Variants in LDLRAD3 observed in about 807,000 individuals in gnomAD.
The protein encoded by LDLRAD3 is low-density lipoprotein receptor class A domain-containing protein 3.
LDLRAD3 carries 20 observed loss-of-function variants against 29.4 expected under a neutral mutation model. The ratio of observed to expected loss-of-function variants is 0.68; its 90% CI spans 0.48 to 0.99. The LOEUF (loss-of-function observed/expected upper bound fraction) is 0.99, where lower values mean the gene tolerates loss of function less well. Ranked by LOEUF, LDLRAD3 falls within the 50% of genes least tolerant of loss-of-function variation. The pLI is 0.00. For missense variants in LDLRAD3, 420 were observed against 454.3 expected (o/e 0.92, Z 0.69); for synonymous variants, 157 against 192.7 (o/e 0.81, Z 1.53).
chr11:35,977,575 G>A (rs1422330019), intron 1 of LDLRAD3, among the ~76,000 whole-genome samples: 1 of 152,084 alleles, frequency 6.6e-6, no homozygotes, highest in African/African-American at 2.4e-5. Context: ...AGGAATAAGA[G>A]GTATCCTGGG....
chr11:36,003,225 C>T (rs1320199104), intron 1 of LDLRAD3, among the ~76,000 whole-genome samples: 2 of 152,194 alleles, frequency 1.3e-5, no homozygotes, highest in African/African-American at 4.8e-5. Context: ...CTGGCTGGTG[C>T]AGGAAGTATC....
Position 36,076,914 on chromosome 11 carries a change from T to C in LDLRAD3, c.194-4739T>C, listed in dbSNP as rs76271282. ...TTTCCTGAGTTACTTAGGCTGGTTC[T>C]TTTCTTCCCCATCCCCTTCAGTGTG... is the stretch of plus-strand genomic sequence containing the variant. On this transcript the variant is annotated intron_variant, in intron 2 of 5. Coordinates refer to ENST00000315571, the MANE Select transcript of LDLRAD3 (RefSeq NM_174902.4). Among the ~76,000 whole-genome samples, 1,205 of 152,252 alleles carry C rather than the reference T, an allele frequency of 7.9e-3. 15 individuals are homozygous for C. Among genetic ancestry groups the C allele is most frequent in the African/African-American group, 0.028 (1,163 of 41,542 alleles).
intron 3 of LDLRAD3, among the ~76,000 whole-genome samples, chr11:36,084,838 T>C (rs549783958): frequency 6.6e-6 from 1 of 152,246 alleles, no homozygotes; most frequent in Non-Finnish European, 1.5e-5. Flanking sequence ...GTGGATTCAC[T>C]TCAAGTAGAA....
intron 4 of LDLRAD3, among the ~76,000 whole-genome samples, chr11:36,217,267 A>T (rs905852070): frequency 3.9e-5 from 6 of 152,172 alleles, no homozygotes; most frequent in African/African-American, 1.2e-4. Context: ...CAATATCAAA[A>T]AACACTGTGG....
At chr11:36,023,722 C>T (rs1335029955) in intron 1 of LDLRAD3, among the ~76,000 whole-genome samples, 2 of 152,110 alleles carry the variant, frequency 1.3e-5, no homozygotes, top group South Asian at 2.1e-4. Flanking sequence ...ATTTGATTGT[C>T]GTCTGTTACT....
chr11:36,107,067 C>T (rs553758719), intron 4 of LDLRAD3, among the ~76,000 whole-genome samples: 5 of 152,348 alleles, frequency 3.3e-5, no homozygotes, highest in South Asian at 4.1e-4. Context: ...CCACAGCCAG[C>T]CTGCAGATCC....
At chr11:36,105,238 T>TGTGAGA (rs1343780985) in intron 4 of LDLRAD3, among the ~76,000 whole-genome samples, 5 of 128,428 alleles carry the variant, frequency 3.9e-5, no homozygotes, top group African/African-American at 1.5e-4. Flanking sequence ...TGTGTGTGTG[T>TGTGAGA]GAGAGAGAGA....
intron 4 of LDLRAD3, among the ~76,000 whole-genome samples, chr11:36,191,591 TATATATATAC>T (rs1183412557): frequency 9.3e-6 from 1 of 108,068 alleles, no homozygotes. Context: ...TATATATATA[TATATATATAC>T]ACACACACAC....
intron 4 of LDLRAD3, among the ~76,000 whole-genome samples, chr11:36,108,925 G>T (rs529820494): frequency 6.6e-6 from 1 of 152,182 alleles, no homozygotes; most frequent in South Asian, 2.1e-4. Context: ...GGGGTTAGTG[G>T]GTGGAAAATT....
chr11:36,199,191 C>T (rs370233981), intron 4 of LDLRAD3, among the ~76,000 whole-genome samples: 9 of 152,142 alleles, frequency 5.9e-5, no homozygotes, highest in East Asian at 5.8e-4. Context: ...TGAGCCACTG[C>T]GCCCGGCCAC....
At chr11:36,109,536 C>G (rs1191127011) in intron 4 of LDLRAD3, among the ~76,000 whole-genome samples, 3 of 152,130 alleles carry the variant, frequency 2.0e-5, no homozygotes, top group Non-Finnish European at 4.4e-5. Context: ...TGCTTGCTTT[C>G]CACTTTGCTG....
At chr11:36,214,434 A>G (rs1855325379) in intron 4 of LDLRAD3, among the ~76,000 whole-genome samples, 1 of 152,164 alleles carries the variant, frequency 6.6e-6, no homozygotes, top group South Asian at 2.1e-4. Context: ...GATTCTGGGA[A>G]AGGGTTACAT....
At chr11:36,111,713 C>G (rs898668471) in intron 4 of LDLRAD3, among the ~76,000 whole-genome samples, 1 of 152,074 alleles carries the variant, frequency 6.6e-6, no homozygotes, top group Non-Finnish European at 1.5e-5. Context: ...CACTTCTCTG[C>G]CTCACTCTCC....
At chr11:36,070,286 A>G (rs1852876423) in intron 2 of LDLRAD3, among the ~76,000 whole-genome samples, 1 of 152,232 alleles carries the variant, frequency 6.6e-6, no homozygotes, top group African/African-American at 2.4e-5. Flanking sequence ...AGTAGACAGA[A>G]CTGAGTAAGT....
rs200065128 is a variant in LDLRAD3 at position 36,145,345 on chromosome 11, C to T, written c.454+46884C>T. Among the ~76,000 whole-genome samples the T allele has an allele frequency of 3.7e-3, 308 of 82,824 alleles. 5 individuals are homozygous for T. The highest frequency in any genetic ancestry group is 0.015 in the African/African-American group (235 of 16,066). 54.3% of individuals were successfully genotyped at this position (82,824 alleles called of 152,430 possible). A position where few individuals can be genotyped will look rare whatever the true frequency, so the allele number is the denominator to read the frequency against. ...CACCCCTACTGGGAAGTGAGGAGCCCCTCTGCCCGGCCAGCCGCCCCGTCT... is the reference window on the plus strand; with the variant it reads ...CACCCCTACTGGGAAGTGAGGAGCCTCTCTGCCCGGCCAGCCGCCCCGTCT... On this transcript the variant is annotated intron_variant, in intron 4 of 5. Coordinates refer to ENST00000315571, the MANE Select transcript of LDLRAD3 (RefSeq NM_174902.4).
chr11:36,203,895 G>T (rs1855164861), intron 4 of LDLRAD3, among the ~76,000 whole-genome samples: 1 of 152,118 alleles, frequency 6.6e-6, no homozygotes, highest in Non-Finnish European at 1.5e-5. Flanking sequence ...GTTACTTTCT[G>T]GAATAGTGTG....
rs182429178 is a variant in LDLRAD3 at position 36,173,607 on chromosome 11, T to C, written c.455-53478T>C. ...ATCATTGATGGACATTTGGGTTGGT[T>C]CCAAGTCTTTGCTATTGTGAATAAT... On this transcript the variant is annotated intron_variant, in intron 4 of 5. Coordinates refer to ENST00000315571, the MANE Select transcript of LDLRAD3 (RefSeq NM_174902.4). 6.1e-3 allele frequency among the ~76,000 whole-genome samples: 934 copies of C among 152,154 alleles called. 11 individuals carry two copies. The highest frequency in any genetic ancestry group is 0.021 in the African/African-American group (882 of 41,502).
chr11:36,227,158 C>T lies in LDLRAD3; in HGVS notation c.528C>T (p.Ile176=). 1 of 1,614,134 alleles carries T rather than the reference C, an allele frequency of 6.2e-7. No homozygotes were observed. The highest frequency in any genetic ancestry group is 8.5e-7 in the Non-Finnish European group (1 of 1,180,010). Residue 176 remains isoleucine, a synonymous_variant, in exon 5 of 6, where the codon ATC becomes ATT. Coordinates refer to ENST00000315571, the MANE Select transcript of LDLRAD3 (RefSeq NM_174902.4). ...ATTACCCCAGCATCACCTATGCCAT[C>T]ATCGGCAGCTCCGTCATTTTTGTGC... ...LVYYPSITYA[I]IGSSVIFVLV...
intron 4 of LDLRAD3, among the ~76,000 whole-genome samples, chr11:36,165,032 TC>T (rs1161238342): frequency 6.6e-6 from 1 of 152,212 alleles, no homozygotes; most frequent in Non-Finnish European, 1.5e-5. Context: ...TACCCACATT[TC>T]CTGCTTCCAT....
Sources: gnomAD v4.1 joint callset for allele counts (sites outside exome capture counted in the v4.1 genomes callset) on GRCh38, gnomAD v4.1.1 for gene constraint, MANE v1.5 for transcripts, NCBI Gene and HGNC (gene_info 2026-07-23, HGNC 2026-07-21) for gene names.